Variants in CSMD1 observed in about 807,000 individuals in gnomAD.
CSMD1 encodes the protein CUB and Sushi multiple domains 1, also known as CUB and sushi domain-containing protein 1.
A neutral mutation model predicts 417.5 loss-of-function variants in CSMD1; 213 were observed. That is an observed-to-expected ratio of 0.51 (90% confidence interval 0.46 to 0.57). The LOEUF is 0.57. CSMD1 is among the 20% of genes least tolerant of loss of function. CSMD1 has a pLI of 0.00. For missense variants in CSMD1, 6,923 were observed against 4,529.7 expected (o/e 1.53, Z -15.17); for synonymous variants, 2,862 against 1,736.8 (o/e 1.65, Z -16.11).
chr8:4,034,326 G>C (rs1410469932), intron 3 of CSMD1, among the ~76,000 whole-genome samples: 2 of 152,106 alleles, frequency 1.3e-5, no homozygotes, highest in African/African-American at 2.4e-5. Context: ...TATTTACATA[G>C]TCAAAGTGTA....
intron 1 of CSMD1, among the ~76,000 whole-genome samples, chr8:4,923,066 G>C (rs1051982569): frequency 2.6e-5 from 4 of 152,038 alleles, no homozygotes; most frequent in African/African-American, 7.2e-5. Flanking sequence ...TTCCAACTTA[G>C]GGGAACAATC....
At chr8:3,993,923 G>A (rs144768683) in intron 5 of CSMD1, among the ~76,000 whole-genome samples, 2 of 152,134 alleles carry the variant, frequency 1.3e-5, no homozygotes, top group African/African-American at 4.8e-5. Context: ...ACGTGCAGCT[G>A]AACAAATGCA....
At position 3,272,445 on chromosome 8, in the gene CSMD1, T is replaced by G. The variant is rs1801937393; in HGVS notation, c.4153+11699A>C. Among the ~76,000 whole-genome samples the G allele has an allele frequency of 6.0e-5, 9 of 150,752 alleles. 1 individual carries two copies. The South Asian group carries it at 1.9e-3, about 32-fold the overall frequency. ...TTTTGGTTCCATATGAACTTTAAAG[T>G]AGTTTTTTCCAATTCTGGGAAGAAA... On this transcript the variant is annotated intron_variant, in intron 26 of 69. Coordinates refer to ENST00000635120, the MANE Select transcript of CSMD1 (RefSeq NM_033225.6).
intron 50 of CSMD1, among the ~76,000 whole-genome samples, chr8:3,049,574 T>G (rs868749817): frequency 1.3e-5 from 2 of 151,786 alleles, no homozygotes; most frequent in African/African-American, 4.8e-5. Context: ...TTGTCAGGGG[T>G]TGGATGCAGG....
At chr8:4,569,517 A>C (rs1281430377) in intron 2 of CSMD1, among the ~76,000 whole-genome samples, 1 of 152,138 alleles carries the variant, frequency 6.6e-6, no homozygotes, top group African/African-American at 2.4e-5. Context: ...CTGTTTTGGT[A>C]CCAGTACCAT....
chr8:4,881,735 G>C (rs921987380), intron 1 of CSMD1, among the ~76,000 whole-genome samples: 2 of 151,696 alleles, frequency 1.3e-5, no homozygotes, highest in African/African-American at 4.9e-5. Context: ...TGCAGCAGTG[G>C]TCTTTTTCTT....
Position 4,402,869 on chromosome 8 carries a change from G to C in CSMD1, c.415+17084C>G, listed in dbSNP as rs547159589. Among the ~76,000 whole-genome samples, 15 of 142,314 alleles carry C rather than the reference G, an allele frequency of 1.1e-4. No individual in the cohort carries two copies. The East Asian group carries it at 2.1e-3, about 20-fold the overall frequency. 93.4% of individuals were successfully genotyped at this position (142,314 alleles called of 152,430 possible). ...AGAGCCTTGCTCTGTTGCCAGGCTGGAGTGCAGCGGCGCAATCTGGGCTCA... is the reference window on the plus strand; with the variant it reads ...AGAGCCTTGCTCTGTTGCCAGGCTGCAGTGCAGCGGCGCAATCTGGGCTCA... On this transcript the variant is annotated intron_variant, in intron 3 of 69. Transcript: ENST00000635120.
intron 1 of CSMD1, among the ~76,000 whole-genome samples, chr8:4,947,363 G>A (rs1386304661): frequency 1.3e-5 from 2 of 152,032 alleles, no homozygotes; most frequent in Admixed American, 6.6e-5. Flanking sequence ...CAAATTCTCA[G>A]CACTAATTAA....
At chr8:3,839,097 T>C (rs1006293152) in intron 5 of CSMD1, among the ~76,000 whole-genome samples, 2 of 109,276 alleles carry the variant, frequency 1.8e-5, no homozygotes, top group Non-Finnish European at 3.6e-5. Flanking sequence ...TAATATAATA[T>C]AGCCTATATA....
At chr8:4,596,610 T>C (rs1244108276) in intron 2 of CSMD1, among the ~76,000 whole-genome samples, 3 of 152,238 alleles carry the variant, frequency 2.0e-5, no homozygotes, top group African/African-American at 7.2e-5. Flanking sequence ...CCTAAATCAA[T>C]GCAACATTGT....
intron 1 of CSMD1, among the ~76,000 whole-genome samples, chr8:4,957,477 AG>A (rs1809195735): frequency 6.6e-6 from 1 of 152,206 alleles, no homozygotes; most frequent in Admixed American, 6.5e-5. Context: ...ATTTCAGGGA[AG>A]ACACACATAT....
chr8:3,816,701 T>A (rs1016759395), intron 5 of CSMD1, among the ~76,000 whole-genome samples: 2 of 152,190 alleles, frequency 1.3e-5, no homozygotes, highest in Non-Finnish European at 2.9e-5. Flanking sequence ...TGATTTTACC[T>A]TTACAAATCA....
At chr8:3,031,128 G>A (rs1313446607) in intron 50 of CSMD1, among the ~76,000 whole-genome samples, 1 of 151,848 alleles carries the variant, frequency 6.6e-6, no homozygotes, top group African/African-American at 2.4e-5. Flanking sequence ...AACTGTTTCT[G>A]AAAAGCCCTT....
intron 3 of CSMD1, among the ~76,000 whole-genome samples, chr8:4,063,028 T>G (rs941025167): frequency 2.0e-5 from 3 of 152,162 alleles, no homozygotes; most frequent in East Asian, 1.9e-4. Context: ...TTACATAATT[T>G]AGGAAGAAAC....
chr8:3,485,264 ATT>A (rs1365186235), intron 11 of CSMD1, among the ~76,000 whole-genome samples: 1 of 152,184 alleles, frequency 6.6e-6, no homozygotes, highest in Non-Finnish European at 1.5e-5. Context: ...AGTCCAGGGA[ATT>A]TTGCTGAGTG....
At chr8:3,556,853 T>C (rs111872121) in intron 10 of CSMD1, among the ~76,000 whole-genome samples, 7,943 of 152,150 alleles carry the variant, frequency 0.052, 688 homozygotes, top group African/African-American at 0.18. Context: ...TTACCCCCTC[T>C]GGACAGATCT....
At chr8:4,488,115 C>G (rs923623723) in intron 2 of CSMD1, among the ~76,000 whole-genome samples, 1 of 152,180 alleles carries the variant, frequency 6.6e-6, no homozygotes, top group Non-Finnish European at 1.5e-5. Flanking sequence ...AATAAGAAAG[C>G]AGGGTCTCCC....
chr8:3,539,570 G>T (rs927047308), intron 10 of CSMD1, among the ~76,000 whole-genome samples: 1 of 152,062 alleles, frequency 6.6e-6, no homozygotes, highest in African/African-American at 2.4e-5. Context: ...TTCAGAAGTT[G>T]TAACACTTCG....
Position 4,159,258 on chromosome 8 carries a change from T to C in CSMD1, c.416-127159A>G, listed in dbSNP as rs563596683. 7.9e-5 allele frequency among the ~76,000 whole-genome samples: 12 copies of C among 152,296 alleles called. No homozygotes were observed. The South Asian group carries it at 2.3e-3, about 29-fold the overall frequency. ...AGATAACCGTGAAATGTTTTACTCA[T>C]TGGGGTAGCATTTAGTGTAAGTTTA... is the stretch of plus-strand genomic sequence containing the variant. On this transcript the variant is annotated intron_variant, in intron 3 of 69. Transcript: ENST00000635120.
Sources: gnomAD v4.1 joint callset for allele counts (sites outside exome capture counted in the v4.1 genomes callset) on GRCh38, gnomAD v4.1.1 for gene constraint, MANE v1.5 for transcripts, NCBI Gene and HGNC (gene_info 2026-07-23, HGNC 2026-07-21) for gene names.